MTR: variants seen among roughly 807,000 people sequenced by gnomAD.
MTR encodes the protein methionine synthase.
Under a neutral mutation model 154.8 loss-of-function variants are expected in MTR, and 84 were observed. The ratio of observed to expected loss-of-function variants is 0.54; its 90% CI spans 0.45 to 0.65. MTR has a LOEUF of 0.65. Among genes scored for constraint, MTR ranks in the 30% least tolerant of loss-of-function variants. The probability of loss-of-function intolerance (pLI) is 0.00; values close to 1 mark genes in which losing one functional copy is unlikely to be tolerated. For missense variants in MTR, 1,275 were observed against 1,570.2 expected (o/e 0.81, Z 3.18); for synonymous variants, 554 against 553.9 (o/e 1.00, Z 0.00).
chr1:236,815,695 T>TGTC (rs3054157), intron 7 of MTR, 32 bp downstream of exon 7: 8 of 1,601,428 alleles, frequency 5.0e-6, no homozygotes, highest in Non-Finnish European at 6.8e-6. Flanking sequence ...CAATACATTC[T>TGTC]TTTATTAATA....
chr1:236,861,405 C>T (rs1664537365), intron 20 of MTR, 128 bp downstream of exon 20: 2 of 1,346,694 alleles, frequency 1.5e-6, no homozygotes, highest in South Asian at 2.4e-5. Context: ...CTAGTCATTC[C>T]TTCTCTAAAT....
intron 18 of MTR, among the ~76,000 whole-genome samples, chr1:236,858,888 T>C (rs926665382): frequency 6.6e-6 from 1 of 152,232 alleles, no homozygotes; most frequent in African/African-American, 2.4e-5. Context: ...CTGCCCCTTC[T>C]CATCATTCAG....
At chr1:236,870,721 C>T (rs1202343690) in intron 22 of MTR, among the ~76,000 whole-genome samples, 1 of 152,192 alleles carries the variant, frequency 6.6e-6, no homozygotes, top group African/African-American at 2.4e-5. Flanking sequence ...AGTGGACTCC[C>T]TGACAGCTCC....
intron 8 of MTR, among the ~76,000 whole-genome samples, chr1:236,817,034 C>G (rs1294534039): frequency 6.6e-6 from 1 of 152,106 alleles, no homozygotes; most frequent in East Asian, 1.9e-4. Context: ...TATGATAGCT[C>G]CTATGAATAA....
In MTR at chr1:236,827,460, T is replaced by C. The variant is rs184640556; in HGVS notation, c.995+564T>C. On this transcript the variant is annotated intron_variant, in intron 11 of 32. Coordinates refer to ENST00000366577, the MANE Select transcript of MTR (RefSeq NM_000254.3). ...TGTTTTTCCATTCTTATTTCATCTA[T>C]CCCTCAACTTTTCCCCCTGGATTAT... 1.4e-3 allele frequency among the ~76,000 whole-genome samples: 211 copies of C among 152,236 alleles called. 1 individual carries two copies. The highest frequency in any genetic ancestry group is 5.0e-3 in the African/African-American group (207 of 41,498).
chr1:236,812,347 T>C (rs1169291627), intron 5 of MTR, among the ~76,000 whole-genome samples: 1 of 152,264 alleles, frequency 6.6e-6, no homozygotes, highest in Non-Finnish European at 1.5e-5. Context: ...ACTCAACCTG[T>C]GACCTCTCTG....
Position 236,873,791 on chromosome 1 carries a change from C to G in MTR, c.2424C>G (p.Val808=), listed in dbSNP as rs772021080. The change falls in exon 23 of 33, where the codon GTC becomes GTG. Residue 808 remains valine, a synonymous_variant. Coordinates refer to ENST00000366577, the MANE Select transcript of MTR (RefSeq NM_000254.3). ...GCCTCAGAGTTATTGATTTAGGAGT[C>G]ATGACTCCATGTGATAAGATACTGA... is the stretch of plus-strand genomic sequence containing the variant. ...CNNFRVIDLG[V]MTPCDKILKA... is the part of the protein sequence containing the mutation. The G allele has an allele frequency of 1.2e-6, 2 of 1,614,074 alleles. No individual in the cohort carries two copies. The highest frequency in any genetic ancestry group is 3.3e-5 in the Admixed American group (2 of 60,024).
intron 15 of MTR, among the ~76,000 whole-genome samples, chr1:236,849,442 A>G (rs1663772008): frequency 6.6e-6 from 1 of 152,182 alleles, no homozygotes; most frequent in Non-Finnish European, 1.5e-5. Flanking sequence ...GCTGGTTTAG[A>G]GAGGGTGATT....
At chr1:236,894,617 G>T (rs1262209760) in intron 30 of MTR, 60 bp downstream of exon 30, 8 of 1,592,670 alleles carry the variant, frequency 5.0e-6, no homozygotes, top group East Asian at 4.5e-5. Context: ...AGGGAGCCTG[G>T]GGTGGGTGCC....
At position 236,895,340 on chromosome 1, in the gene MTR, G is replaced by A. The variant is rs750526906; in HGVS notation, c.3406-18G>A. 6.3e-7 allele frequency: 1 copy of A among 1,581,878 alleles called. No homozygotes were observed. Among genetic ancestry groups the A allele is most frequent in the Non-Finnish European group, 8.6e-7 (1 of 1,162,300 alleles). On this transcript the variant is annotated intron_variant, in intron 30 of 32. Transcript: ENST00000366577. ...CCCCTGCGTCTGCCTAAGCATGCCTGCTGCTTTGGGTCCCAAGGCCTTTGC... is the reference window on the plus strand; with the variant it reads ...CCCCTGCGTCTGCCTAAGCATGCCTACTGCTTTGGGTCCCAAGGCCTTTGC...
Position 236,795,699 on chromosome 1 carries a change from A to C in MTR, c.-5A>C, listed in dbSNP as rs368537553. On this transcript the variant is annotated 5_prime_UTR_variant, in exon 1 of 33. Transcript: ENST00000366577. ...GCCCTCTGCGCAAGGAGGAGACTCG[A>C]CAACATGTCACCCGCGCTCCAAGAC... The C allele has an allele frequency of 3.7e-5, 59 of 1,614,004 alleles. No homozygotes were observed. Among genetic ancestry groups the C allele is most frequent in the Non-Finnish European group, 5.0e-5 (59 of 1,180,024 alleles).
At chr1:236,880,929 G>A (rs1271018196) in intron 25 of MTR, 93 bp downstream of exon 25, 3 of 1,274,110 alleles carry the variant, frequency 2.4e-6, no homozygotes, top group Non-Finnish European at 3.4e-6. Flanking sequence ...TTTTTATTCA[G>A]TTCTACTAAA....
intron 30 of MTR, 179 bp from the exon 31 acceptor site, chr1:236,895,179 C>T: frequency 1.4e-6 from 1 of 724,600 alleles, no homozygotes; most frequent in Admixed American, 2.2e-5. Context: ...TGCAGAGCAG[C>T]AGCTGATGAA....
chr1:236,837,266 G>A (rs1441479978), intron 14 of MTR, among the ~76,000 whole-genome samples: 1 of 152,080 alleles, frequency 6.6e-6, no homozygotes, highest in Admixed American at 6.6e-5. Flanking sequence ...AACTGGTAGC[G>A]TGCCTTTTCT....
intron 8 of MTR, 82 bp downstream of exon 8, chr1:236,816,625 AT>A: frequency 8.8e-7 from 1 of 1,136,054 alleles, no homozygotes; most frequent in Non-Finnish European, 1.3e-6. Context: ...CTGGGAGGGG[AT>A]TGCTTCTACA....
intron 22 of MTR, among the ~76,000 whole-genome samples, chr1:236,868,763 C>T (rs970312955): frequency 6.6e-6 from 1 of 152,064 alleles, no homozygotes; most frequent in African/African-American, 2.4e-5. Flanking sequence ...CGTAAAAGAG[C>T]AGTATATGGC....
intron 15 of MTR, among the ~76,000 whole-genome samples, chr1:236,844,125 G>C (rs1663423691): frequency 1.3e-5 from 2 of 152,144 alleles, no homozygotes; most frequent in Non-Finnish European, 2.9e-5. Context: ...GGAGCAGCCT[G>C]TATGGTAGGA....
At chr1:236,812,411 G>A (rs1385610675) in intron 5 of MTR, among the ~76,000 whole-genome samples, 1 of 152,224 alleles carries the variant, frequency 6.6e-6, no homozygotes, top group African/African-American at 2.4e-5. Context: ...ATTGAAATGA[G>A]CTATGGAAAG....
At chr1:236,819,771 A>T in intron 8 of MTR, 1 of 756,658 alleles carries the variant, frequency 1.3e-6, no homozygotes, top group Non-Finnish European at 2.4e-6. Context: ...AAATGATGGG[A>T]TCTACATCAT....
Sources: allele counts gnomAD v4.1 joint callset (sites outside exome capture counted in the v4.1 genomes callset), GRCh38; gene constraint gnomAD v4.1.1; transcripts MANE v1.5; gene names NCBI Gene and HGNC (gene_info 2026-07-23, HGNC 2026-07-21).